TENT5B: variants seen among roughly 807,000 people sequenced by gnomAD.
The protein encoded by TENT5B is family with sequence similarity 46 member B.
Under a neutral mutation model 21.7 loss-of-function variants are expected in TENT5B, and 12 were observed. The ratio of observed to expected loss-of-function variants is 0.55; its 90% CI spans 0.36 to 0.90. The LOEUF is 0.90. Among genes scored for constraint, TENT5B ranks in the 40% least tolerant of loss-of-function variants. The pLI is 0.01. For synonymous variants in TENT5B, 262 were observed against 266.6 expected (o/e 0.98, Z 0.17); for missense variants, 540 against 601.5 (o/e 0.90, Z 1.07).
chr1:27,006,676 T>A lies in TENT5B; in HGVS notation c.546A>T (p.Thr182=), dbSNP rs1570781992. The A allele has an allele frequency of 1.2e-6, 2 of 1,614,188 alleles. No individual in the cohort carries two copies. The highest frequency in any genetic ancestry group is 2.7e-5 in the African/African-American group (2 of 75,070). The change falls in exon 2 of 2, where the codon ACA becomes ACT. Residue 182 remains threonine (T), a synonymous_variant. Coordinates refer to ENST00000289166, the MANE Select transcript of TENT5B (RefSeq NM_052943.4). The surrounding 1 kb of genome is among the most constrained non-coding windows in gnomAD (Gnocchi z 9.4). ...AGATGAGGCTCCAGCGGTCCGAGTC[T>A]GTGCACACTTTCACCAGCTTCTGCA... ...AYVQKLVKVC[T]DSDRWSLISL...
At chr1:27,009,829 A>G (rs908549135) in intron 1 of TENT5B, among the ~76,000 whole-genome samples, 5 of 152,236 alleles carry the variant, frequency 3.3e-5, no homozygotes, top group African/African-American at 1.2e-4. Flanking sequence ...TGTGTCAGCC[A>G]GCCAGTCGCT....
At position 27,006,572 on chromosome 1, in the gene TENT5B, T is replaced by G; in HGVS notation, c.650A>C (p.Asp217Ala). ...GGAGTCCAGGATGATCTGGAAGGAG[T>G]CTATGCTGAATTCAAACTGGCGTCT... ...SVRRQFEFSI[D>A]SFQIILDSLL... Residue 217 changes from aspartate (D) to alanine (A), a missense_variant, in exon 2 of 2, where the codon GAC becomes GCC. Physicochemically the swap from Asp to Ala is moderately radical, Grantham distance 126. Transcript: ENST00000289166. This position sits in a 1 kb window ranked among gnomAD's most constrained non-coding sequence, Gnocchi z 9.4. 2 of 1,613,172 alleles carry G rather than the reference T, an allele frequency of 1.2e-6. No individual in the cohort carries two copies. The highest frequency in any genetic ancestry group is 3.3e-5 in the Admixed American group (2 of 59,950).
In TENT5B at chr1:27,012,693, C is replaced by A. The variant is rs981008389; in HGVS notation, c.-23G>T. On this transcript the variant is annotated 5_prime_UTR_variant, in exon 1 of 2. Coordinates refer to ENST00000289166, the MANE Select transcript of TENT5B (RefSeq NM_052943.4). ...CATCCGCCCGGCCCCCGGGCCCCGA[C>A]GGCAGAAACCGTGGGGGTGGTTAAG... The A allele has an allele frequency of 1.6e-5, 23 of 1,449,256 alleles. No individual in the cohort carries two copies. Among genetic ancestry groups the A allele is most frequent in the Admixed American group, 3.3e-5 (1 of 30,362 alleles). The allele number at this position is 1,449,256 out of a possible 1,614,324, so 89.8% of individuals were successfully genotyped here.
rs777378207 is a variant in TENT5B, at chr1:27,006,003, C to A, written c.1219G>T (p.Val407Leu). ...GVVPATVNYY[V>L]TPVQPLLAHA... ...GCCAGGAGAGGTTGCACGGGGGTCACGTAGTAATTGACAGTGGCTGGCACA... is the reference window on the plus strand; with the variant it reads ...GCCAGGAGAGGTTGCACGGGGGTCAAGTAGTAATTGACAGTGGCTGGCACA... Residue 407 changes from valine to leucine, a missense_variant, in exon 2 of 2, where the codon GTG (valine) becomes TTG (leucine). Coordinates refer to ENST00000289166, the MANE Select transcript of TENT5B (RefSeq NM_052943.4). The surrounding 1 kb of genome is among the most constrained non-coding windows in gnomAD (Gnocchi z 9.4). The A allele has an allele frequency of 7.5e-6, 12 of 1,604,472 alleles. No individual in the cohort carries two copies. The highest frequency in any genetic ancestry group is 9.4e-6 in the Non-Finnish European group (11 of 1,174,188).
chr1:27,005,918 C>A lies in TENT5B; in HGVS notation c.*26G>T. The A allele has an allele frequency of 6.5e-7, 1 of 1,529,640 alleles. No individual in the cohort carries two copies. Among genetic ancestry groups the A allele is most frequent in the Non-Finnish European group, 8.8e-7 (1 of 1,137,178 alleles). The allele number at this position is 1,529,640 out of a possible 1,614,324, so 94.8% of individuals were successfully genotyped here. A position where few individuals can be genotyped will look rare whatever the true frequency, so the allele number is the denominator to read the frequency against. ...CCCACCCCACCCCGTGAGGCCCAGT[C>A]CCTTCCCTTCTGGCCAGGGTCTGAG... is the stretch of plus-strand genomic sequence containing the variant. On this transcript the variant is annotated 3_prime_UTR_variant, in exon 2 of 2. Coordinates refer to ENST00000289166, the MANE Select transcript of TENT5B (RefSeq NM_052943.4).
rs61738581 is a variant in TENT5B, at chr1:27,006,490, C to T, written c.732G>A (p.Thr244=). The change falls in exon 2 of 2, where the codon ACG becomes ACA. Residue 244 remains threonine (T), a synonymous_variant. Transcript: ENST00000289166. The surrounding 1 kb of genome is among the most constrained non-coding windows in gnomAD (Gnocchi z 9.4). The stretch of plus-strand genomic sequence containing the variant: ...CCCCGTACAGGCTTTCGCCTGTGAC[C>T]GTTGGGTGGAAGGCCTCAGACATGG... ...STPMSEAFHP[T]VTGESLYGDF... is the part of the protein sequence containing the mutation. The T allele has an allele frequency of 1.3e-4, 214 of 1,614,048 alleles. No individual in the cohort carries two copies. In the African/African-American group the frequency reaches 2.3e-3, roughly 17 times the overall value.
chr1:27,005,781 G>T lies in TENT5B; in HGVS notation c.*163C>A. ...CCAGGCTGGCATTAAGCCCACAGGG[G>T]CCTCGTGCTCGGGAAAGTCTGGTCT... is the stretch of plus-strand genomic sequence containing the variant. On this transcript the variant is annotated 3_prime_UTR_variant, in exon 2 of 2. Coordinates refer to ENST00000289166, the MANE Select transcript of TENT5B (RefSeq NM_052943.4). 1.1e-6 allele frequency: 1 copy of T among 928,872 alleles called. No homozygotes were observed. Among genetic ancestry groups the T allele is most frequent in the Non-Finnish European group, 1.5e-6 (1 of 656,964 alleles). The allele number at this position is 928,872 out of a possible 1,614,324, so 57.5% of individuals were successfully genotyped here.
rs2082592692 is a variant in TENT5B at position 27,005,681 on chromosome 1, A to G, written c.*263T>C. The G allele has an allele frequency of 4.5e-6, 2 of 443,116 alleles. No homozygotes were observed. Among genetic ancestry groups the G allele is most frequent in the East Asian group, 6.9e-5 (2 of 29,082 alleles). The allele number at this position is 443,116 out of a possible 1,614,324, so 27.4% of individuals were successfully genotyped here. On this transcript the variant is annotated 3_prime_UTR_variant, in exon 2 of 2. Coordinates refer to ENST00000289166, the MANE Select transcript of TENT5B (RefSeq NM_052943.4). ...TGAAGGAAATTGACTTCCAAGACAA[A>G]TGGCGCCTGCACCCCACCGGCATGC... is the stretch of plus-strand genomic sequence containing the variant.
At chr1:27,012,116 C>A (rs2082626667) in intron 1 of TENT5B, among the ~76,000 whole-genome samples, 1 of 152,170 alleles carries the variant, frequency 6.6e-6, no homozygotes, top group Non-Finnish European at 1.5e-5. Context: ...ACAAATTCTT[C>A]CCCCAATGCC....
intron 1 of TENT5B, among the ~76,000 whole-genome samples, chr1:27,010,904 G>A (rs990947728): frequency 1.3e-5 from 2 of 152,188 alleles, no homozygotes; most frequent in Non-Finnish European, 2.9e-5. Flanking sequence ...ACAGGGCTTG[G>A]CACAGAGCAG....
Position 27,006,953 on chromosome 1 carries a change from A to T in TENT5B, c.269T>A (p.Val90Asp). 3.8e-6 allele frequency: 6 copies of T among 1,579,940 alleles called. No individual in the cohort carries two copies. The highest frequency in any genetic ancestry group is 4.3e-6 in the Non-Finnish European group (5 of 1,159,106). Residue 90 changes from valine to aspartate, a missense_variant, in exon 2 of 2, where the codon GTC (valine) becomes GAC (aspartate). Val to Asp is a radical substitution (Grantham distance 152, BLOSUM62 -3). Coordinates refer to ENST00000289166, the MANE Select transcript of TENT5B (RefSeq NM_052943.4). This position sits in a 1 kb window ranked among gnomAD's most constrained non-coding sequence, Gnocchi z 9.4. ...TCCCTGCTCCTCCAGGGTGCTGCGG[A>T]CCACCTGCAGGGGAGAGCAGGAAGG... ...SVQPRQIVQVVRSTLEEQGLH... is the reference protein window; with the variant it reads ...SVQPRQIVQVDRSTLEEQGLH...
In TENT5B at chr1:27,005,166, A is replaced by T. The variant is rs186174631; in HGVS notation, c.*778T>A. 1.3e-5 allele frequency: 2 copies of T among 152,706 alleles called. No individual in the cohort carries two copies. The highest frequency in any genetic ancestry group is 2.9e-5 in the Non-Finnish European group (2 of 68,050). 9.5% of individuals were successfully genotyped at this position (152,706 alleles called of 1,614,324 possible). A position where few individuals can be genotyped will look rare whatever the true frequency, so the allele number is the denominator to read the frequency against. On this transcript the variant is annotated 3_prime_UTR_variant, in exon 2 of 2. Coordinates refer to ENST00000289166, the MANE Select transcript of TENT5B (RefSeq NM_052943.4). ...CCAGTGGGGTGGGAACGTTGACTTGACTGTGGCAAATTCAGGCTCAGCACC... is the reference window on the plus strand; with the variant it reads ...CCAGTGGGGTGGGAACGTTGACTTGTCTGTGGCAAATTCAGGCTCAGCACC...
intron 1 of TENT5B, among the ~76,000 whole-genome samples, chr1:27,011,210 GC>G (rs959819147): frequency 6.6e-6 from 1 of 152,134 alleles, no homozygotes; most frequent in African/African-American, 2.4e-5. Context: ...ATCTGCCCCC[GC>G]CCCCTCCAGT....
rs745842169 is a variant in TENT5B at position 27,006,994 on chromosome 1, G to T, written c.265-37C>A. The T allele has an allele frequency of 6.6e-7, 1 of 1,525,590 alleles. No individual in the cohort carries two copies. Among genetic ancestry groups the T allele is most frequent in the East Asian group, 2.3e-5 (1 of 43,900 alleles). The allele number at this position is 1,525,590 out of a possible 1,614,324, so 94.5% of individuals were successfully genotyped here. A position where few individuals can be genotyped will look rare whatever the true frequency, so the allele number is the denominator to read the frequency against. On this transcript the variant is annotated intron_variant, in intron 1 of 1. Coordinates refer to ENST00000289166, the MANE Select transcript of TENT5B (RefSeq NM_052943.4). The surrounding 1 kb of genome is among the most constrained non-coding windows in gnomAD (Gnocchi z 9.4). ...AGCAGGAAGGAGAGGTGTCAGGAGC[G>T]GGCCTCAGGGGTCCACCAAGGACTT...
At chr1:27,008,031 C>G (rs1272257074) in intron 1 of TENT5B, among the ~76,000 whole-genome samples, 1 of 151,922 alleles carries the variant, frequency 6.6e-6, no homozygotes. Context: ...TTTTTTTGCT[C>G]TCGGATGAGG....
chr1:27,010,539 C>A (rs766768946), intron 1 of TENT5B, among the ~76,000 whole-genome samples: 2 of 152,084 alleles, frequency 1.3e-5, no homozygotes, highest in Non-Finnish European at 2.9e-5. Flanking sequence ...AGGCACCTGT[C>A]CCCTTTGGAG....
chr1:27,011,799 G>A (rs937316128), intron 1 of TENT5B, among the ~76,000 whole-genome samples: 5 of 152,150 alleles, frequency 3.3e-5, no homozygotes, highest in African/African-American at 1.2e-4. Context: ...ACTTAATGTT[G>A]CCCTTGGGGG....
At chr1:27,012,376 C>A (rs1190675502) in intron 1 of TENT5B, 31 bp downstream of exon 1, 1 of 1,599,986 alleles carries the variant, frequency 6.3e-7, no homozygotes, top group South Asian at 1.1e-5. Flanking sequence ...AGAAGGGATT[C>A]CCCCACATCC....
chr1:27,012,779 C>G lies in TENT5B; in HGVS notation c.-109G>C. Reference sequence around the variant, plus strand: ...AAGGCGGGGGGCACGAAGGCAGGGACGGGGCGGCAACGACGGCGAGACAAA... The same window carrying G: ...AAGGCGGGGGGCACGAAGGCAGGGAGGGGGCGGCAACGACGGCGAGACAAA... On this transcript the variant is annotated 5_prime_UTR_variant, in exon 1 of 2. Coordinates refer to ENST00000289166, the MANE Select transcript of TENT5B (RefSeq NM_052943.4). 97 of 1,181,648 alleles carry G rather than the reference C, an allele frequency of 8.2e-5. No homozygotes were observed. Among genetic ancestry groups the G allele is most frequent in the East Asian group, 1.4e-4 (4 of 28,212 alleles). The allele number at this position is 1,181,648 out of a possible 1,614,324, so 73.2% of individuals were successfully genotyped here.
Sources: allele counts gnomAD v4.1 joint callset (sites outside exome capture counted in the v4.1 genomes callset), GRCh38; gene constraint gnomAD v4.1.1; non-coding constraint Gnocchi (gnomAD v3.1); transcripts MANE v1.5; gene names NCBI Gene and HGNC (gene_info 2026-07-23, HGNC 2026-07-21).